The following ZNF608 variants were observed in gnomAD, a reference collection of about 807,000 sequenced individuals.
ZNF608 encodes renal carcinoma antigen NY-REN-36.
A neutral mutation model predicts 109.0 loss-of-function variants in ZNF608; 12 were observed. That is an observed-to-expected ratio of 0.11 (90% confidence interval 0.07 to 0.18). The LOEUF is 0.18. Among genes scored for constraint, ZNF608 ranks in the 10% least tolerant of loss-of-function variants. ZNF608 has a pLI of 1.00. For synonymous variants in ZNF608, 732 were observed against 717.4 expected, an observed-to-expected ratio of 1.02 and a Z score of -0.33; for missense variants, 1,707 against 1,879.3, an observed-to-expected ratio of 0.91 and a Z score of 1.70.
intron 2 of ZNF608, among the ~76,000 whole-genome samples, chr5:124,716,883 G>A (rs1014341780): frequency 2.6e-5 from 4 of 151,904 alleles, no homozygotes; most frequent in Admixed American, 2.0e-4. Flanking sequence ...GGGAGTTGGA[G>A]ACCAGCTTGA....
intron 2 of ZNF608, among the ~76,000 whole-genome samples, chr5:124,705,908 T>G (rs1278210240): frequency 1.3e-5 from 2 of 152,106 alleles, no homozygotes; most frequent in Non-Finnish European, 2.9e-5. Context: ...TTATCACACA[T>G]CCACCCAATA....
chr5:124,685,297 T>A (rs1213905009), intron 3 of ZNF608, among the ~76,000 whole-genome samples: 1 of 151,614 alleles, frequency 6.6e-6, no homozygotes, highest in Non-Finnish European at 1.5e-5. Context: ...TGCTACACTT[T>A]TGTTGCTTTT....
intron 3 of ZNF608, among the ~76,000 whole-genome samples, chr5:124,664,041 A>C (rs936092944): frequency 6.6e-5 from 10 of 152,236 alleles, no homozygotes; most frequent in Non-Finnish European, 1.2e-4. Flanking sequence ...GCAACATCAT[A>C]GCACATTAAG....
At chr5:124,683,041 C>CCG (rs1199167940) in intron 3 of ZNF608, among the ~76,000 whole-genome samples, 2 of 148,908 alleles carry the variant, frequency 1.3e-5, no homozygotes, top group Non-Finnish European at 3.0e-5. Flanking sequence ...TCTCTCTCCC[C>CCG]CTCTCTATCT....
At chr5:124,665,202 G>A (rs998563957) in intron 3 of ZNF608, among the ~76,000 whole-genome samples, 1 of 151,402 alleles carries the variant, frequency 6.6e-6, no homozygotes, top group Non-Finnish European at 1.5e-5. Flanking sequence ...AAAATACCAT[G>A]TTCAGTGACA....
At chr5:124,687,470 GAATA>G in intron 3 of ZNF608, among the ~76,000 whole-genome samples, 1 of 152,178 alleles carries the variant, frequency 6.6e-6, no homozygotes, top group Admixed American at 6.5e-5. Context: ...AAATATGAAT[GAATA>G]TCTATGGGTA....
In ZNF608 at chr5:124,637,756, G is replaced by T; in HGVS notation, c.*144C>A. 1.4e-6 allele frequency: 1 copy of T among 703,168 alleles called. No individual in the cohort carries two copies. The highest frequency in any genetic ancestry group is 2.3e-6 in the Non-Finnish European group (1 of 430,686). 43.6% of individuals were successfully genotyped at this position (703,168 alleles called of 1,614,324 possible). On this transcript the variant is annotated 3_prime_UTR_variant, in exon 10 of 10. Coordinates refer to ENST00000513986, the MANE Select transcript of ZNF608 (RefSeq NM_020747.3). ...ATTACAGCAACATTTGTTACTCTGT[G>T]ATAAAATCTGTAATTTACAAAAATG...
chr5:124,670,872 A>G (rs769052394), intron 3 of ZNF608, among the ~76,000 whole-genome samples: 6 of 152,092 alleles, frequency 3.9e-5, no homozygotes, highest in Non-Finnish European at 7.4e-5. Context: ...CAGTGAATCA[A>G]TTTTCAATGT....
chr5:124,638,485 G>C (rs767134981), intron 9 of ZNF608, among the ~76,000 whole-genome samples: 1 of 152,200 alleles, frequency 6.6e-6, no homozygotes. Context: ...TGGAACTCCC[G>C]ACCTCAGGTG....
chr5:124,690,551 A>T (rs947898149), intron 3 of ZNF608, among the ~76,000 whole-genome samples: 11 of 152,196 alleles, frequency 7.2e-5, no homozygotes, highest in African/African-American at 2.7e-4. Flanking sequence ...ACAGCCTTTT[A>T]AAAAAGTGTA....
At position 124,654,081 on chromosome 5, in the gene ZNF608, C is replaced by T. The variant is rs72781217; in HGVS notation, c.1163-4384G>A. Among the ~76,000 whole-genome samples, 895 of 152,290 alleles carry T rather than the reference C, an allele frequency of 5.9e-3. 4 individuals carry two copies. The highest frequency in any genetic ancestry group is 0.014 in the Middle Eastern group (4 of 294). On this transcript the variant is annotated intron_variant, in intron 3 of 9. Transcript: ENST00000513986. ...AATACCTTGGTCCTGGCTGAGCCTC[C>T]TGATACCCTGCAGATGCAGTCCACC...
chr5:124,663,462 G>A (rs1024438021), intron 3 of ZNF608, among the ~76,000 whole-genome samples: 2 of 152,132 alleles, frequency 1.3e-5, no homozygotes, highest in Admixed American at 1.3e-4. Flanking sequence ...AGTGGTAAAC[G>A]ACAGGCTACA....
chr5:124,710,449 G>A (rs1753443191), intron 2 of ZNF608: 1 of 353,478 alleles, frequency 2.8e-6, no homozygotes, highest in Non-Finnish European at 5.6e-6. Context: ...TGGGAGCTAT[G>A]TGGTGTATAA....
At chr5:124,678,547 A>T (rs1250791814) in intron 3 of ZNF608, among the ~76,000 whole-genome samples, 5 of 152,116 alleles carry the variant, frequency 3.3e-5, no homozygotes, top group African/African-American at 1.2e-4. Flanking sequence ...TCCCACCACA[A>T]TGGGCTGCCA....
intron 2 of ZNF608, among the ~76,000 whole-genome samples, chr5:124,732,335 AT>A (rs1349925833): frequency 6.6e-6 from 1 of 152,196 alleles, no homozygotes; most frequent in African/African-American, 2.4e-5. Context: ...GCAGATTAAG[AT>A]AAAGGGTTTC....
intron 2 of ZNF608, among the ~76,000 whole-genome samples, chr5:124,721,464 C>T (rs977427658): frequency 2.0e-5 from 3 of 152,054 alleles, no homozygotes; most frequent in Non-Finnish European, 2.9e-5. Flanking sequence ...GGGAAACATG[C>T]GCTCACACAC....
intron 3 of ZNF608, among the ~76,000 whole-genome samples, chr5:124,689,289 A>T (rs531550785): frequency 9.2e-5 from 14 of 151,948 alleles, no homozygotes; most frequent in African/African-American, 2.9e-4. Flanking sequence ...TCTAAAATAA[A>T]TTTTTTTTAA....
rs375497880 is a variant in ZNF608, at chr5:124,641,380, C to G, written c.4322G>C (p.Arg1441Pro). Residue 1441 changes from arginine (R) to proline (P), a missense_variant, in exon 8 of 10, where the codon CGG becomes CCG. Arg to Pro is a moderately radical substitution (Grantham distance 103). Transcript: ENST00000513986. ...CCTTTCCCTTTCTGCCTCCCGTTCC[C>G]GCTCAGCTGTAGCCTTTTCCACAGG... is the stretch of plus-strand genomic sequence containing the variant. ...PAPVEKATAE[R>P]EREAERERDR... is the part of the protein sequence containing the mutation. The G allele has an allele frequency of 5.6e-6, 9 of 1,613,788 alleles. No homozygotes were observed. Among genetic ancestry groups the G allele is most frequent in the African/African-American group, 1.3e-5 (1 of 74,894 alleles).
chr5:124,645,634 TG>T (rs1750462679), intron 5 of ZNF608, among the ~76,000 whole-genome samples: 1 of 152,138 alleles, frequency 6.6e-6, no homozygotes, highest in South Asian at 2.1e-4. Flanking sequence ...GGGGTTGCAG[TG>T]GGTCAGGATG....
Sources: allele counts gnomAD v4.1 joint callset (sites outside exome capture counted in the v4.1 genomes callset), GRCh38; gene constraint gnomAD v4.1.1; transcripts MANE v1.5; gene names NCBI Gene and HGNC (gene_info 2026-07-23, HGNC 2026-07-21).